Variants in UBE3D observed in about 807,000 individuals in gnomAD.
UBE3D encodes E3 ubiquitin-protein ligase E3D.
A neutral mutation model predicts 49.6 loss-of-function variants in UBE3D; 48 were observed. The observed-to-expected ratio is 0.97, with a 90% confidence interval of 0.77 to 1.23. UBE3D has a LOEUF of 1.23. Among genes scored for constraint, UBE3D ranks in the 50% most tolerant of loss-of-function variants. The probability of loss-of-function intolerance (pLI) is 0.00; values close to 1 mark genes in which losing one functional copy is unlikely to be tolerated. For synonymous variants in UBE3D, 189 were observed against 174.2 expected, an observed-to-expected ratio of 1.08 and a Z score of -0.67; for missense variants, 452 against 468.4, an observed-to-expected ratio of 0.96 and a Z score of 0.32.
intron 5 of UBE3D, among the ~76,000 whole-genome samples, chr6:83,028,034 C>G (rs1781605605): frequency 6.6e-6 from 1 of 152,172 alleles, no homozygotes; most frequent in Non-Finnish European, 1.5e-5. Context: ...TGTATCTAAT[C>G]TGGTGTTAAA....
chr6:82,997,413 T>C (rs1779316905), intron 8 of UBE3D, among the ~76,000 whole-genome samples: 1 of 152,128 alleles, frequency 6.6e-6, no homozygotes, highest in South Asian at 2.1e-4. Flanking sequence ...TATGACATTA[T>C]TTATGTTAAA....
chr6:82,944,735 C>T, intron 9 of UBE3D, among the ~76,000 whole-genome samples: 1 of 152,202 alleles, frequency 6.6e-6, no homozygotes, highest in East Asian at 1.9e-4. Flanking sequence ...GTGCCCACTG[C>T]CCTGAAGGGT....
Position 83,044,518 on chromosome 6 carries a change from C to A in UBE3D, c.507G>T (p.Leu169Phe). The change falls in exon 4 of 10, where the codon TTG becomes TTT. Residue 169 changes from leucine (L) to phenylalanine (F), a missense_variant. Coordinates refer to ENST00000369747, the MANE Select transcript of UBE3D (RefSeq NM_198920.3). ...GCCACAAACTGGTTCTTAAATTCAC[C>A]AAGAAGAAAGAGTCTCCAATAAAAC... is the stretch of plus-strand genomic sequence containing the variant. ...NDCFIGDSFF[L>F]VNLRTSLWQQ... 6.2e-7 allele frequency: 1 copy of A among 1,614,048 alleles called. No individual in the cohort carries two copies. Among genetic ancestry groups the A allele is most frequent in the Non-Finnish European group, 8.5e-7 (1 of 1,179,972 alleles).
At chr6:82,914,582 A>C (rs79028599) in intron 9 of UBE3D, among the ~76,000 whole-genome samples, 5,320 of 152,232 alleles carry the variant, frequency 0.035, 123 homozygotes, top group Non-Finnish European at 0.053. Context: ...CTGCTTTCCA[A>C]ATTAGTGTTC....
At chr6:83,006,978 A>G (rs1780025344) in intron 8 of UBE3D, among the ~76,000 whole-genome samples, 1 of 152,022 alleles carries the variant, frequency 6.6e-6, no homozygotes, top group Non-Finnish European at 1.5e-5. Flanking sequence ...AGAAAAAAAG[A>G]TAAGGAAATA....
intron 5 of UBE3D, among the ~76,000 whole-genome samples, chr6:83,032,904 C>T (rs1057054431): frequency 6.6e-6 from 1 of 152,178 alleles, no homozygotes; most frequent in Non-Finnish European, 1.5e-5. Flanking sequence ...CACCTTTTGC[C>T]ATGATTGTGA....
chr6:82,921,428 A>G (rs955734232), intron 9 of UBE3D, among the ~76,000 whole-genome samples: 1 of 152,152 alleles, frequency 6.6e-6, no homozygotes, highest in African/African-American at 2.4e-5. Context: ...TAAACCTATG[A>G]AAGGCTGAGG....
At chr6:82,952,940 C>T (rs1356386819) in intron 9 of UBE3D, among the ~76,000 whole-genome samples, 3 of 152,130 alleles carry the variant, frequency 2.0e-5, no homozygotes, top group Non-Finnish European at 2.9e-5. Flanking sequence ...ACATAGTTGC[C>T]ATTAAAACCA....
intron 9 of UBE3D, among the ~76,000 whole-genome samples, chr6:82,933,847 C>T (rs928344313): frequency 3.9e-5 from 6 of 152,188 alleles, no homozygotes; most frequent in Non-Finnish European, 8.8e-5. Context: ...CTAAGCACTT[C>T]CATGGACCAG....
chr6:82,996,521 C>T (rs959153236), intron 8 of UBE3D, among the ~76,000 whole-genome samples: 5 of 152,184 alleles, frequency 3.3e-5, no homozygotes, highest in African/African-American at 1.2e-4. Flanking sequence ...GCTTATCACT[C>T]CTACCCCTTT....
rs113568071 is a variant in UBE3D at position 83,037,195 on chromosome 6, T to C, written c.667+1221A>G. ...TGCTGCCTCCAAATTCTGACTTGTT[T>C]TGGGGCTCTACAGAGATTATTGGCC... is the stretch of plus-strand genomic sequence containing the variant. On this transcript the variant is annotated intron_variant, in intron 5 of 9. Coordinates refer to ENST00000369747, the MANE Select transcript of UBE3D (RefSeq NM_198920.3). 1,466 of 152,642 alleles carry C rather than the reference T, an allele frequency of 9.6e-3. 21 individuals carry two copies. Among genetic ancestry groups the C allele is most frequent in the African/African-American group, 0.033 (1,389 of 41,524 alleles). The allele number at this position is 152,642 out of a possible 1,614,324, so 9.5% of individuals were successfully genotyped here. A position where few individuals can be genotyped will look rare whatever the true frequency, so the allele number is the denominator to read the frequency against.
the UBE3D span, among the ~76,000 whole-genome samples, chr6:82,882,575 C>T: frequency 6.6e-6 from 1 of 152,150 alleles, no homozygotes; most frequent in East Asian, 1.9e-4. Context: ...CTGCACAGAG[C>T]TGATGCCAGA....
At chr6:82,987,130 G>A (rs1230698646) in intron 8 of UBE3D, among the ~76,000 whole-genome samples, 2 of 151,766 alleles carry the variant, frequency 1.3e-5, no homozygotes, top group Non-Finnish European at 2.9e-5. Flanking sequence ...ACCACACCTG[G>A]CTAATTAAAA....
intron 9 of UBE3D, among the ~76,000 whole-genome samples, chr6:82,928,480 A>T (rs1773916754): frequency 6.6e-6 from 1 of 152,136 alleles, no homozygotes; most frequent in African/African-American, 2.4e-5. Context: ...CATCATGGTA[A>T]ATTTGCAAAT....
intron 9 of UBE3D, among the ~76,000 whole-genome samples, chr6:82,910,783 A>G (rs1772447037): frequency 1.3e-5 from 2 of 152,242 alleles, no homozygotes; most frequent in Admixed American, 1.3e-4. Flanking sequence ...TCAATTGGCA[A>G]CTGATTTAAA....
At chr6:83,013,630 G>A (rs1232079431) in intron 8 of UBE3D, among the ~76,000 whole-genome samples, 2 of 152,180 alleles carry the variant, frequency 1.3e-5, no homozygotes, top group Non-Finnish European at 2.9e-5. Flanking sequence ...CAGGCGTTGT[G>A]CCTCTTTCTT....
intron 8 of UBE3D, among the ~76,000 whole-genome samples, chr6:82,981,491 A>G (rs1431698137): frequency 2.0e-5 from 3 of 152,046 alleles, no homozygotes; most frequent in Non-Finnish European, 4.4e-5. Context: ...AACAAGACCA[A>G]TGCCTCCTAT....
intron 5 of UBE3D, 60 bp downstream of exon 5, chr6:83,038,356 A>G (rs1360808538): frequency 2.3e-6 from 3 of 1,322,618 alleles, no homozygotes; most frequent in East Asian, 2.3e-5. Context: ...ACTATAAAAT[A>G]TCATTCTGGC....
At chr6:83,063,274 C>T (rs1390311748) in intron 1 of UBE3D, 4 of 211,576 alleles carry the variant, frequency 1.9e-5, no homozygotes, top group South Asian at 1.0e-4. Context: ...ATTAGCTGGG[C>T]ATGGTGGCAT....
Sources: allele counts gnomAD v4.1 joint callset (sites outside exome capture counted in the v4.1 genomes callset), GRCh38; gene constraint gnomAD v4.1.1; transcripts MANE v1.5; gene names NCBI Gene and HGNC (gene_info 2026-07-23, HGNC 2026-07-21).